HDAC4: variants seen among roughly 807,000 people sequenced by gnomAD.
HDAC4 encodes the protein histone deacetylase A.
HDAC4 carries 16 observed loss-of-function variants against 135.1 expected under a neutral mutation model. The observed-to-expected ratio is 0.12, with a 90% CI of 0.08 to 0.18. The LOEUF (loss-of-function observed/expected upper bound fraction) is 0.18. Ranked by LOEUF, HDAC4 falls within the 10% of genes least tolerant of loss-of-function variation. The probability of loss-of-function intolerance (pLI) is 1.00; values close to 1 mark genes in which losing one functional copy is unlikely to be tolerated. For synonymous variants in HDAC4, 685 were observed against 653.4 expected (o/e 1.05, Z -0.74); for missense variants, 1,143 against 1,511.8 (o/e 0.76, Z 4.05).
At chr2:239,140,409 C>G (rs1336539173) in intron 8 of HDAC4, among the ~76,000 whole-genome samples, 2 of 152,154 alleles carry the variant, frequency 1.3e-5, no homozygotes, top group African/African-American at 4.8e-5. Context: ...CTGAATGTGA[C>G]TTCCAAAAGG....
chr2:239,124,378 T>C (rs1315826026), intron 12 of HDAC4, among the ~76,000 whole-genome samples: 4 of 152,342 alleles, frequency 2.6e-5, no homozygotes, highest in Admixed American at 2.0e-4. Context: ...TTGGGGACGT[T>C]TTATGTGCAT....
At chr2:239,095,740 G>T (rs946384420) in intron 16 of HDAC4, among the ~76,000 whole-genome samples, 3 of 152,182 alleles carry the variant, frequency 2.0e-5, no homozygotes, top group Admixed American at 6.5e-5. Flanking sequence ...CCAGGACAGG[G>T]GTGCTGTCTT....
At chr2:239,367,271 A>C (rs1380623553) in intron 1 of HDAC4, among the ~76,000 whole-genome samples, 3 of 152,188 alleles carry the variant, frequency 2.0e-5, no homozygotes, top group African/African-American at 7.2e-5. Flanking sequence ...CGGTGTGAGA[A>C]GCAGAAATAC....
chr2:239,391,230 C>T (rs1696184427), intron 1 of HDAC4, among the ~76,000 whole-genome samples: 2 of 152,186 alleles, frequency 1.3e-5, no homozygotes, highest in South Asian at 2.1e-4. Context: ...TGACAGTGTC[C>T]GTGGGAAGCA....
intron 1 of HDAC4, among the ~76,000 whole-genome samples, chr2:239,360,537 C>T (rs896636935): frequency 1.3e-5 from 2 of 152,238 alleles, no homozygotes; most frequent in East Asian, 1.9e-4. Context: ...GCACCTGCCC[C>T]GTGCCTGGCT....
At position 239,141,737 on chromosome 2, in the gene HDAC4, G is replaced by A. The variant is rs1461999424; in HGVS notation, c.866-1941C>T. ...GTAATGGGTGCCTCCCAGCTGTGTC[G>A]TCAGATAAATACCCTCACGCATGTG... On this transcript the variant is annotated intron_variant, in intron 8 of 26. Transcript: ENST00000543185. The surrounding 1 kb of genome is among the most constrained non-coding windows in gnomAD (Gnocchi z 4.9). 3.3e-5 allele frequency among the ~76,000 whole-genome samples: 5 copies of A among 152,132 alleles called. No individual in the cohort carries two copies. The highest frequency in any genetic ancestry group is 2.1e-4 in the South Asian group (1 of 4,826).
At chr2:239,208,462 T>C (rs1319001123) in intron 3 of HDAC4, among the ~76,000 whole-genome samples, 7 of 152,082 alleles carry the variant, frequency 4.6e-5, no homozygotes, top group Non-Finnish European at 8.8e-5. Flanking sequence ...CAGCTATTCA[T>C]TATAAAAGCT....
At chr2:239,197,193 G>A (rs911327058) in intron 3 of HDAC4, among the ~76,000 whole-genome samples, 8 of 152,154 alleles carry the variant, frequency 5.3e-5, no homozygotes, top group African/African-American at 1.4e-4. Context: ...TCCCCTTCAC[G>A]CGTCCTGACT....
intron 12 of HDAC4, among the ~76,000 whole-genome samples, chr2:239,116,795 C>T (rs1427851963): frequency 6.6e-6 from 1 of 152,220 alleles, no homozygotes; most frequent in Non-Finnish European, 1.5e-5. Flanking sequence ...CCTCATGCCA[C>T]ACTCGCCTCC....
intron 7 of HDAC4, among the ~76,000 whole-genome samples, chr2:239,145,376 C>T (rs766400019): frequency 4.6e-5 from 7 of 152,168 alleles, no homozygotes; most frequent in African/African-American, 7.2e-5. Flanking sequence ...AGGTACTGGG[C>T]GTGGGTCGGT....
At chr2:239,185,587 T>C (rs2044497687) in intron 4 of HDAC4, among the ~76,000 whole-genome samples, 1 of 152,002 alleles carries the variant, frequency 6.6e-6, no homozygotes, top group Non-Finnish European at 1.5e-5. Context: ...CCCAGTCTTG[T>C]GCTTGGGGTC....
chr2:239,058,827 G>A (rs1440695336), intron 24 of HDAC4, among the ~76,000 whole-genome samples: 1 of 152,186 alleles, frequency 6.6e-6, no homozygotes, highest in Non-Finnish European at 1.5e-5. Flanking sequence ...CGTCGGTCAG[G>A]AAAACCAAAG....
intron 1 of HDAC4, among the ~76,000 whole-genome samples, chr2:239,391,083 G>A (rs1319778825): frequency 3.9e-5 from 6 of 152,170 alleles, no homozygotes; most frequent in Admixed American, 6.5e-5. Context: ...GCTCGGCCTC[G>A]ATACGAATCA....
chr2:239,382,379 G>A (rs1244506692), intron 1 of HDAC4, among the ~76,000 whole-genome samples: 1 of 152,216 alleles, frequency 6.6e-6, no homozygotes, highest in Admixed American at 6.5e-5. Context: ...TACAGCAACT[G>A]CTTATTTGTA....
chr2:239,183,186 T>G (rs1041210762), intron 4 of HDAC4, among the ~76,000 whole-genome samples: 1 of 152,228 alleles, frequency 6.6e-6, no homozygotes, highest in Non-Finnish European at 1.5e-5. Context: ...AGACTTTAAG[T>G]TTACGTTAAG....
At chr2:239,367,050 C>G (rs1417610028) in intron 1 of HDAC4, among the ~76,000 whole-genome samples, 1 of 136,676 alleles carries the variant, frequency 7.3e-6, no homozygotes, top group African/African-American at 3.7e-5. Flanking sequence ...TGACAAAAGA[C>G]CCTATCGGCC....
chr2:239,124,072 C>T (rs574423974), intron 12 of HDAC4, among the ~76,000 whole-genome samples: 156 of 152,242 alleles, frequency 1.0e-3, no homozygotes, highest in African/African-American at 3.6e-3. Context: ...TTCCGTCTGT[C>T]GCCAAATCTG....
chr2:239,225,650 G>T (rs2047200878), intron 3 of HDAC4, among the ~76,000 whole-genome samples: 1 of 152,208 alleles, frequency 6.6e-6, no homozygotes, highest in African/African-American at 2.4e-5. Flanking sequence ...CCCACGCAGG[G>T]CTGGGTGCTG....
chr2:239,331,625 T>A lies in HDAC4; in HGVS notation c.22+21053A>T, dbSNP rs183628474. On this transcript the variant is annotated intron_variant, in intron 2 of 26. Transcript: ENST00000543185. The surrounding 1 kb of genome is among the most constrained non-coding windows in gnomAD (Gnocchi z 4.5). ...CAGGTGAGCGAACTGCAATGACACG[T>A]CGCCAGGGCTGCACTGGACCCACCG... Among the ~76,000 whole-genome samples the A allele has an allele frequency of 2.6e-3, 396 of 152,212 alleles. 1 individual carries two copies. The highest frequency in any genetic ancestry group is 9.1e-3 in the African/African-American group (379 of 41,544).
Sources: allele counts gnomAD v4.1 joint callset (sites outside exome capture counted in the v4.1 genomes callset), GRCh38; gene constraint gnomAD v4.1.1; non-coding constraint Gnocchi (gnomAD v3.1); transcripts MANE v1.5; gene names NCBI Gene and HGNC (gene_info 2026-07-23, HGNC 2026-07-21).